The following NFXL1 variants were observed in gnomAD, a reference collection of about 807,000 sequenced individuals.
NFXL1 encodes NF-X1-type zinc finger protein NFXL1.
A neutral mutation model predicts 123.3 loss-of-function variants in NFXL1; 66 were observed. That is an observed-to-expected ratio of 0.54 (90% CI 0.44 to 0.66). The LOEUF (loss-of-function observed/expected upper bound fraction) is 0.66. Ranked by LOEUF, NFXL1 falls within the 30% of genes least tolerant of loss-of-function variation. The pLI is 0.00. For missense variants in NFXL1, 944 were observed against 1,125.6 expected (o/e 0.84, Z 2.31); for synonymous variants, 346 against 360.8 (o/e 0.96, Z 0.46).
At chr4:47,887,254 G>T (rs975153801) in intron 12 of NFXL1, among the ~76,000 whole-genome samples, 2 of 152,094 alleles carry the variant, frequency 1.3e-5, no homozygotes, top group African/African-American at 4.8e-5. Context: ...ATGAAGAAAT[G>T]AATATCTTAA....
intron 18 of NFXL1, among the ~76,000 whole-genome samples, chr4:47,866,941 T>C (rs1490415770): frequency 6.6e-6 from 1 of 152,158 alleles, no homozygotes; most frequent in Non-Finnish European, 1.5e-5. Flanking sequence ...CACAACTCAG[T>C]GCTGGGAGAA....
At chr4:47,885,210 A>G (rs1251403975) in intron 14 of NFXL1, among the ~76,000 whole-genome samples, 1 of 152,032 alleles carries the variant, frequency 6.6e-6, no homozygotes, top group East Asian at 1.9e-4. Flanking sequence ...ATAAGATTAT[A>G]GGAGATATCT....
chr4:47,902,755 A>G (rs1284499982), intron 5 of NFXL1, among the ~76,000 whole-genome samples: 1 of 152,252 alleles, frequency 6.6e-6, no homozygotes, highest in African/African-American at 2.4e-5. Context: ...GACTTTATCA[A>G]GATTCCACAT....
chr4:47,885,448 A>C (rs145065692), intron 14 of NFXL1, 50 bp downstream of exon 14: 1 of 1,450,800 alleles, frequency 6.9e-7, no homozygotes, highest in Non-Finnish European at 9.5e-7. Flanking sequence ...AAAGCAAGAA[A>C]GTACAACCCA....
At position 47,851,274 on chromosome 4, in the gene NFXL1, A is replaced by G. The variant is rs1189873816; in HGVS notation, c.2509-126T>C. 5 of 672,102 alleles carry G rather than the reference A, an allele frequency of 7.4e-6. No individual in the cohort carries two copies. The Admixed American group carries it at 1.3e-4, about 17-fold the overall frequency. 41.6% of individuals were successfully genotyped at this position (672,102 alleles called of 1,614,324 possible). A position where few individuals can be genotyped will look rare whatever the true frequency, so the allele number is the denominator to read the frequency against. ...TTTAGGAGCTTGAAATCATTTAAAG[A>G]AATGTAAATGCTATACTGAGACAAG... On this transcript the variant is annotated intron_variant, in intron 21 of 22. Transcript: ENST00000507489.
intron 19 of NFXL1, 22 bp downstream of exon 19, chr4:47,862,824 A>G: frequency 7.3e-7 from 1 of 1,366,798 alleles, no homozygotes. Context: ...AATACAATTT[A>G]AAAGGTTCTA....
At chr4:47,866,057 C>G (rs539461483) in intron 18 of NFXL1, among the ~76,000 whole-genome samples, 39 of 151,944 alleles carry the variant, frequency 2.6e-4, no homozygotes, top group Middle Eastern at 3.4e-3. Context: ...ATACGAGATT[C>G]AAGTAGCCAA....
At chr4:47,884,471 AG>A (rs1297823872) in intron 14 of NFXL1, 34 bp from the exon 15 acceptor site, 1 of 1,333,510 alleles carries the variant, frequency 7.5e-7, no homozygotes, top group African/African-American at 1.5e-5. Flanking sequence ...TTTAAGTCAG[AG>A]GGATTAAATC....
At chr4:47,848,833 G>A (rs1733958229) in intron 22 of NFXL1, among the ~76,000 whole-genome samples, 1 of 152,114 alleles carries the variant, frequency 6.6e-6, no homozygotes, top group Non-Finnish European at 1.5e-5. Flanking sequence ...AGCTTGCAGT[G>A]AGCCGAGATG....
chr4:47,866,098 T>A (rs556814060), intron 18 of NFXL1, among the ~76,000 whole-genome samples: 1 of 151,044 alleles, frequency 6.6e-6, no homozygotes, highest in Non-Finnish European at 1.5e-5. Context: ...GGGAAGAAGG[T>A]AAAAAGGGAA....
intron 14 of NFXL1, among the ~76,000 whole-genome samples, chr4:47,885,050 C>A (rs756408989): frequency 1.3e-5 from 2 of 150,860 alleles, no homozygotes; most frequent in African/African-American, 4.9e-5. Flanking sequence ...TCACTGAACC[C>A]GGGAGGTGGA....
chr4:47,870,362 T>C (rs948357837), intron 18 of NFXL1, among the ~76,000 whole-genome samples: 1 of 152,144 alleles, frequency 6.6e-6, no homozygotes. Flanking sequence ...AAATTCAGCA[T>C]CCAATCTTAT....
In NFXL1 at chr4:47,905,309, A is replaced by G. The variant is rs770639428; in HGVS notation, c.444T>C (p.Tyr148=). ...CCCCTGCTTGAAAAGCTTCATTTACATATTGTTTTGTTCGCTCTAATTCAC... is the reference window on the plus strand; with the variant it reads ...CCCCTGCTTGAAAAGCTTCATTTACGTATTGTTTTGTTCGCTCTAATTCAC... The part of the protein sequence containing the change: ...DTRELERTKQ[Y]VNEAFQAGAM... The change falls in exon 4 of 23, where the codon TAT becomes TAC. Residue 148 remains tyrosine, a synonymous_variant. Transcript: ENST00000507489. 2.1e-5 allele frequency: 33 copies of G among 1,601,184 alleles called. No individual in the cohort carries two copies. Among genetic ancestry groups the G allele is most frequent in the Non-Finnish European group, 2.7e-5 (31 of 1,169,142 alleles).
chr4:47,876,284 G>T (rs537076852), intron 17 of NFXL1, among the ~76,000 whole-genome samples: 1 of 152,172 alleles, frequency 6.6e-6, no homozygotes, highest in South Asian at 2.1e-4. Context: ...TAATGTCTTC[G>T]TAACTACTCT....
intron 2 of NFXL1, 58 bp downstream of exon 2, chr4:47,913,911 G>C: frequency 7.9e-7 from 1 of 1,262,664 alleles, no homozygotes; most frequent in Middle Eastern, 2.6e-4. Flanking sequence ...AGGCGGTCCT[G>C]ACTAGTAACT....
At chr4:47,849,557 T>C (rs980194606) in intron 22 of NFXL1, among the ~76,000 whole-genome samples, 3 of 152,208 alleles carry the variant, frequency 2.0e-5, no homozygotes, top group African/African-American at 7.2e-5. Context: ...TAATACAAAG[T>C]GGCATTCTTC....
At chr4:47,884,506 G>T in intron 14 of NFXL1, 69 bp from the exon 15 acceptor site, 1 of 952,492 alleles carries the variant, frequency 1.0e-6, no homozygotes, top group Non-Finnish European at 1.7e-6. Context: ...AAGAATCTAA[G>T]AAAATAGTTC....
chr4:47,908,177 T>G (rs1293098028), intron 3 of NFXL1, among the ~76,000 whole-genome samples: 1 of 152,116 alleles, frequency 6.6e-6, no homozygotes, highest in Non-Finnish European at 1.5e-5. Context: ...CCTGCCACTT[T>G]GGGAAGCTGA....
At chr4:47,901,247 C>T (rs1737343968) in intron 5 of NFXL1, among the ~76,000 whole-genome samples, 2 of 152,246 alleles carry the variant, frequency 1.3e-5, no homozygotes, top group Admixed American at 6.5e-5. Flanking sequence ...CAAGTTCTAG[C>T]TCCATCTTGA....
Sources: allele counts gnomAD v4.1 joint callset (sites outside exome capture counted in the v4.1 genomes callset), GRCh38; gene constraint gnomAD v4.1.1; transcripts MANE v1.5; gene names NCBI Gene and HGNC (gene_info 2026-07-23, HGNC 2026-07-21).